DLC1: variants seen among roughly 807,000 people sequenced by gnomAD.
DLC1 encodes the protein DLC1 Rho GTPase activating protein, also known as rho GTPase-activating protein 7.
A neutral mutation model predicts 140.3 loss-of-function variants in DLC1; 54 were observed. The observed-to-expected ratio is 0.38, with a 90% CI of 0.31 to 0.48. The LOEUF (loss-of-function observed/expected upper bound fraction) is 0.48. DLC1 is among the 20% of genes least tolerant of loss of function. The pLI is 0.96. For missense variants in DLC1, 2,536 were observed against 1,907.0 expected (o/e 1.33, Z -6.14); for synonymous variants, 986 against 728.1 (o/e 1.35, Z -5.70).
intron 1 of DLC1, among the ~76,000 whole-genome samples, chr8:13,571,593 G>T (rs1467006894): frequency 6.6e-6 from 1 of 152,186 alleles, no homozygotes; most frequent in Non-Finnish European, 1.5e-5. Context: ...ACGTGTATGT[G>T]TATTCATTCA....
At chr8:13,394,688 A>C (rs67840191) in intron 3 of DLC1, among the ~76,000 whole-genome samples, 2 of 152,028 alleles carry the variant, frequency 1.3e-5, no homozygotes, top group Non-Finnish European at 2.9e-5. Flanking sequence ...CACATGGTCA[A>C]ATATCATGTC....
intron 2 of DLC1, among the ~76,000 whole-genome samples, chr8:13,462,958 A>C (rs546368403): frequency 6.6e-6 from 1 of 152,184 alleles, no homozygotes; most frequent in Admixed American, 6.6e-5. Flanking sequence ...AGCACAAAGA[A>C]TAAAAATAAA....
chr8:13,510,900 T>G (rs1802328763), intron 1 of DLC1, among the ~76,000 whole-genome samples: 1 of 152,204 alleles, frequency 6.6e-6, no homozygotes, highest in Non-Finnish European at 1.5e-5. Context: ...ATTATTATTC[T>G]ATTATTACAG....
At chr8:13,357,194 C>T (rs1224192992) in intron 4 of DLC1, among the ~76,000 whole-genome samples, 1 of 152,158 alleles carries the variant, frequency 6.6e-6, no homozygotes, top group Non-Finnish European at 1.5e-5. Flanking sequence ...TCGCTTGAAC[C>T]TGGGAGGTAG....
chr8:13,588,264 A>G (rs1051746835), intron 1 of DLC1, among the ~76,000 whole-genome samples: 3 of 152,138 alleles, frequency 2.0e-5, no homozygotes, highest in Admixed American at 6.6e-5. Context: ...AAGAGAGAAA[A>G]TGGTAGGAAG....
At chr8:13,348,216 G>A (rs899002691) in intron 4 of DLC1, among the ~76,000 whole-genome samples, 2 of 152,148 alleles carry the variant, frequency 1.3e-5, no homozygotes, top group South Asian at 2.1e-4. Context: ...GCCAGGAGGT[G>A]GGATACAGCC....
chr8:13,229,701 A>G (rs946966108), intron 5 of DLC1, among the ~76,000 whole-genome samples: 1 of 152,152 alleles, frequency 6.6e-6, no homozygotes, highest in African/African-American at 2.4e-5. Flanking sequence ...CTTGGATTCT[A>G]AATTGTATGT....
intron 7 of DLC1, among the ~76,000 whole-genome samples, chr8:13,109,925 AC>A (rs1819934402): frequency 6.6e-6 from 1 of 152,116 alleles, no homozygotes; most frequent in South Asian, 2.1e-4. Flanking sequence ...AAAAACAAAA[AC>A]AAAAAAACCC....
At chr8:13,479,844 G>GAAAAGGAAAAGAAAGAAAGAA (rs1157063386) in intron 2 of DLC1, among the ~76,000 whole-genome samples, 35 of 15,274 alleles carry the variant, frequency 2.3e-3, no homozygotes, top group South Asian at 5.7e-3. Context: ...AGAAGAAGAA[G>GAAAAGGAAAAGAAAGAAAGAA]AAGAAGAAGA....
At chr8:13,553,250 A>G (rs1239816088) in intron 1 of DLC1, among the ~76,000 whole-genome samples, 4 of 129,944 alleles carry the variant, frequency 3.1e-5, no homozygotes, top group African/African-American at 8.6e-5. Context: ...ATATATATAT[A>G]TGTATCACCT....
chr8:13,171,812 C>T (rs1825500698), intron 5 of DLC1, among the ~76,000 whole-genome samples: 2 of 152,168 alleles, frequency 1.3e-5, no homozygotes, highest in African/African-American at 4.8e-5. Flanking sequence ...GCTCAAAACC[C>T]TTGGGGACGT....
intron 5 of DLC1, among the ~76,000 whole-genome samples, chr8:13,268,935 CG>C (rs1830803416): frequency 7.1e-6 from 1 of 140,164 alleles, no homozygotes; most frequent in African/African-American, 2.7e-5. Context: ...AGTGCAGTGG[CG>C]TGATCTCGGC....
At chr8:13,338,267 A>C (rs1586161313) in intron 4 of DLC1, among the ~76,000 whole-genome samples, 2 of 152,154 alleles carry the variant, frequency 1.3e-5, no homozygotes, top group Non-Finnish European at 2.9e-5. Flanking sequence ...TTTACGTTAC[A>C]GGTGGTTAAA....
intron 2 of DLC1, among the ~76,000 whole-genome samples, chr8:13,432,505 A>G (rs1284383137): frequency 6.6e-6 from 1 of 152,178 alleles, no homozygotes; most frequent in Non-Finnish European, 1.5e-5. Context: ...GTTTATTTTC[A>G]TTTTATCGAA....
chr8:13,423,736 G>A (rs76335655), intron 2 of DLC1, among the ~76,000 whole-genome samples: 5,365 of 152,064 alleles, frequency 0.035, 115 homozygotes, highest in South Asian at 0.073. Context: ...GACTAAAAGG[G>A]CAAATACATG....
At chr8:13,504,765 A>C (rs1801978015) in intron 1 of DLC1, among the ~76,000 whole-genome samples, 1 of 152,182 alleles carries the variant, frequency 6.6e-6, no homozygotes, top group African/African-American at 2.4e-5. Flanking sequence ...AATTATATGA[A>C]AAGTCTTACT....
At chr8:13,389,885 A>T (rs977527798) in intron 4 of DLC1, among the ~76,000 whole-genome samples, 7 of 152,186 alleles carry the variant, frequency 4.6e-5, no homozygotes, top group Admixed American at 2.6e-4. Context: ...GCAGAGGGTT[A>T]GTTCATTATA....
chr8:13,536,759 A>G (rs1171329974), intron 1 of DLC1, among the ~76,000 whole-genome samples: 1 of 152,236 alleles, frequency 6.6e-6, no homozygotes. Flanking sequence ...TTTTGAAGAG[A>G]TATTGCGTAT....
At chr8:13,360,880 T>A (rs1835191963) in intron 4 of DLC1, among the ~76,000 whole-genome samples, 1 of 66,032 alleles carries the variant, frequency 1.5e-5, no homozygotes, top group Non-Finnish European at 4.2e-5. Context: ...ATACACATTA[T>A]TTTTTTTTTT....
Sources: allele counts gnomAD v4.1 joint callset (sites outside exome capture counted in the v4.1 genomes callset), GRCh38; gene constraint gnomAD v4.1.1; transcripts MANE v1.5; gene names NCBI Gene and HGNC (gene_info 2026-07-23, HGNC 2026-07-21).